The following MPPED1 variants were observed in gnomAD, a reference collection of about 807,000 sequenced individuals.
MPPED1 encodes metallophosphoesterase domain containing 1, also known as metallophosphoesterase domain-containing protein 1.
MPPED1 carries 16 observed loss-of-function variants against 36.2 expected under a neutral mutation model. The ratio of observed to expected loss-of-function variants is 0.44; its 90% CI spans 0.30 to 0.67. The LOEUF (loss-of-function observed/expected upper bound fraction) is 0.67, where lower values mean the gene tolerates loss of function less well. Ranked by LOEUF, MPPED1 falls within the 30% of genes least tolerant of loss-of-function variation. MPPED1 has a pLI of 0.10. For synonymous variants in MPPED1, 199 were observed against 191.3 expected (o/e 1.04, Z -0.33); for missense variants, 307 against 453.4 (o/e 0.68, Z 2.93).
chr22:43,434,424 C>G (rs923581217), intron 2 of MPPED1, among the ~76,000 whole-genome samples: 1 of 152,204 alleles, frequency 6.6e-6, no homozygotes, highest in Non-Finnish European at 1.5e-5. Flanking sequence ...GCTGCACAGC[C>G]CGGGCAGTTG....
In MPPED1 at chr22:43,425,229, T is replaced by G. The variant is rs1167908083; in HGVS notation, c.224+20T>G. The stretch of plus-strand genomic sequence containing the variant: ...GCAGATGTAAGTGGGACCGGTGGGG[T>G]GGGGGTGGGGGCGGTGACGGCCCCC... On this transcript the variant is annotated intron_variant, in intron 2 of 6. Coordinates refer to ENST00000443721, the MANE Select transcript of MPPED1 (RefSeq NM_001044370.2). The G allele has an allele frequency of 2.6e-3, 1,201 of 460,536 alleles. No homozygotes were observed. Among genetic ancestry groups the G allele is most frequent in the South Asian group, 5.5e-3 (229 of 41,550 alleles). The allele number at this position is 460,536 out of a possible 1,614,324, so 28.5% of individuals were successfully genotyped here.
intron 4 of MPPED1, among the ~76,000 whole-genome samples, chr22:43,477,306 C>T (rs1208286628): frequency 6.6e-6 from 1 of 152,240 alleles, no homozygotes; most frequent in Non-Finnish European, 1.5e-5. Context: ...GGTGCTCCTC[C>T]TGTTCCTCTC....
At chr22:43,496,221 AGAT>A (rs1932342787) in intron 4 of MPPED1, among the ~76,000 whole-genome samples, 1 of 44,224 alleles carries the variant, frequency 2.3e-5, no homozygotes. Flanking sequence ...GTGGTGGTGG[AGAT>A]GGTGGTGGTG....
intron 3 of MPPED1, among the ~76,000 whole-genome samples, chr22:43,449,871 C>G (rs1457948549): frequency 8.0e-6 from 1 of 125,684 alleles, no homozygotes; most frequent in Admixed American, 7.7e-5. Flanking sequence ...AGTGCAAGTT[C>G]CAGGCGATGC....
At chr22:43,456,116 G>A (rs139997693) in intron 3 of MPPED1, among the ~76,000 whole-genome samples, 29 of 152,240 alleles carry the variant, frequency 1.9e-4, no homozygotes, top group Non-Finnish European at 3.5e-4. Flanking sequence ...CTTCCCTTCC[G>A]TTCTGGATGC....
chr22:43,507,750 G>A lies in MPPED1; in HGVS notation c.*2134G>A, dbSNP rs879398311. The A allele has an allele frequency of 1.3e-5, 2 of 151,720 alleles. No homozygotes were observed. The highest frequency in any genetic ancestry group is 2.1e-4 in the South Asian group (1 of 4,804). The allele number at this position is 151,720 out of a possible 1,614,324, so 9.4% of individuals were successfully genotyped here. ...GTCCTCGAGGTATGAAGATGACGGC[G>A]TGCTTCTCAATCATTTTGGCATAAC... On this transcript the variant is annotated 3_prime_UTR_variant, in exon 7 of 7. Transcript: ENST00000443721.
At chr22:43,473,411 A>G (rs747711949) in intron 3 of MPPED1, among the ~76,000 whole-genome samples, 6 of 152,038 alleles carry the variant, frequency 3.9e-5, no homozygotes, top group African/African-American at 2.4e-5. Context: ...TGCTTTGTGA[A>G]CTGGTTATGG....
At chr22:43,434,993 C>T (rs1929901795) in intron 2 of MPPED1, 41 bp from the exon 3 acceptor site, 1 of 1,597,648 alleles carries the variant, frequency 6.3e-7, no homozygotes, top group Non-Finnish European at 8.6e-7. Flanking sequence ...AGGCTCGCGG[C>T]TCCATGGCCT....
chr22:43,466,892 C>T (rs1931191287), intron 3 of MPPED1, among the ~76,000 whole-genome samples: 1 of 152,222 alleles, frequency 6.6e-6, no homozygotes, highest in Non-Finnish European at 1.5e-5. Context: ...CCTGGTGCTT[C>T]CCTGTCTGGC....
At chr22:43,447,883 A>ATATATATATATATATATATATTTTT (rs1321289636) in intron 3 of MPPED1, among the ~76,000 whole-genome samples, 13 of 67,700 alleles carry the variant, frequency 1.9e-4, no homozygotes, top group Non-Finnish European at 2.1e-4. Context: ...ATATATATAT[A>ATATATATATATATATATATATTTTT]TTTTTTTTTT....
chr22:43,426,137 G>A (rs1198167828), intron 2 of MPPED1, among the ~76,000 whole-genome samples: 1 of 152,174 alleles, frequency 6.6e-6, no homozygotes. Flanking sequence ...GGCCCGTGAG[G>A]TGCCCCACCC....
chr22:43,449,711 C>G (rs1002919394), intron 3 of MPPED1, among the ~76,000 whole-genome samples: 3 of 152,150 alleles, frequency 2.0e-5, no homozygotes, highest in Non-Finnish European at 2.9e-5. Flanking sequence ...GAACTGAAAC[C>G]AGAGCTGGGC....
intron 3 of MPPED1, among the ~76,000 whole-genome samples, chr22:43,442,460 C>T (rs549397313): frequency 3.4e-4 from 52 of 152,246 alleles, no homozygotes; most frequent in African/African-American, 1.1e-3. Context: ...GGTGGGCATC[C>T]CCCGTAATAG....
intron 4 of MPPED1, among the ~76,000 whole-genome samples, chr22:43,484,957 G>A (rs1413558293): frequency 6.6e-6 from 1 of 152,152 alleles, no homozygotes; most frequent in Non-Finnish European, 1.5e-5. Flanking sequence ...ACATTCTGAT[G>A]GAGGCAAAGA....
chr22:43,429,433 A>G (rs9306377), intron 2 of MPPED1, among the ~76,000 whole-genome samples: 58,557 of 152,124 alleles, frequency 0.38, 13,932 homozygotes, highest in Non-Finnish European at 0.53. Flanking sequence ...CCAGTTTCTC[A>G]AACATTCCAG....
At chr22:43,437,700 C>T (rs1930010143) in intron 3 of MPPED1, among the ~76,000 whole-genome samples, 1 of 152,204 alleles carries the variant, frequency 6.6e-6, no homozygotes, top group African/African-American at 2.4e-5. Flanking sequence ...GGCTCCCCTG[C>T]CTCGCATCCC....
rs772141155 is a variant in MPPED1 at position 43,435,223 on chromosome 22, C to A, written c.406+8C>A. ...AGTTCAACGAGTGGCTGGGTAGGTC[C>A]CTCCTGCCCCGGGCGGGCGGCTGTG... On this transcript the variant is annotated splice_region_variant and intron_variant, in intron 3 of 6. Transcript: ENST00000443721. 1 of 1,602,140 alleles carries A rather than the reference C, an allele frequency of 6.2e-7. No homozygotes were observed. Among genetic ancestry groups the A allele is most frequent in the Non-Finnish European group, 8.5e-7 (1 of 1,178,684 alleles).
At chr22:43,497,071 G>GGTAGTGGTGGTGGAGGTA in intron 4 of MPPED1, among the ~76,000 whole-genome samples, 1 of 146,592 alleles carries the variant, frequency 6.8e-6, no homozygotes, top group African/African-American at 2.5e-5. Context: ...TGGTGGTGGA[G>GGTAGTGGTGGTGGAGGTA]GTGGTGGTGG....
At chr22:43,493,646 C>T (rs1327283848) in intron 4 of MPPED1, among the ~76,000 whole-genome samples, 6 of 152,192 alleles carry the variant, frequency 3.9e-5, no homozygotes, top group African/African-American at 1.4e-4. Flanking sequence ...CCCTCTTTCA[C>T]GGGGTTCTTG....
Sources: gnomAD v4.1 joint callset for allele counts (sites outside exome capture counted in the v4.1 genomes callset) on GRCh38, gnomAD v4.1.1 for gene constraint, MANE v1.5 for transcripts, NCBI Gene and HGNC (gene_info 2026-07-23, HGNC 2026-07-21) for gene names.